Variants in C2CD3 observed in about 807,000 individuals in gnomAD.
C2CD3 encodes the protein C2 domain containing 3 centriole elongation regulator.
A neutral mutation model predicts 234.0 loss-of-function variants in C2CD3; 148 were observed. The observed-to-expected ratio is 0.63, with a 90% CI of 0.55 to 0.72. The LOEUF (loss-of-function observed/expected upper bound fraction) is 0.72, where lower values mean the gene tolerates loss of function less well. Among genes scored for constraint, C2CD3 ranks in the 30% least tolerant of loss-of-function variants. The pLI is 0.00. For synonymous variants in C2CD3, 1,000 were observed against 1,035.4 expected (o/e 0.97, Z 0.66); for missense variants, 2,577 against 2,811.5 (o/e 0.92, Z 1.89).
chr11:74,089,401 A>T (rs907965486), intron 20 of C2CD3, among the ~76,000 whole-genome samples: 3 of 152,254 alleles, frequency 2.0e-5, no homozygotes, highest in Non-Finnish European at 2.9e-5. Context: ...CATCACCTTC[A>T]CTAACACTAA....
At position 74,049,261 on chromosome 11, in the gene C2CD3, G is replaced by A. The variant is rs141424940; in HGVS notation, c.5361+76C>T. The stretch of plus-strand genomic sequence containing the variant: ...TAACGTATTCTATAAGCCGGAGAGT[G>A]CCAAACATGAGTAAAGGATGTTCTT... On this transcript the variant is annotated intron_variant, in intron 27 of 32. Transcript: ENST00000334126. 1.5e-4 allele frequency: 189 copies of A among 1,243,508 alleles called. 1 individual carries two copies. In the African/African-American group the frequency reaches 2.6e-3, roughly 17 times the overall value. 77.0% of individuals were successfully genotyped at this position (1,243,508 alleles called of 1,614,324 possible).
chr11:74,032,222 T>C (rs897666357), intron 31 of C2CD3, among the ~76,000 whole-genome samples: 8 of 152,198 alleles, frequency 5.3e-5, no homozygotes, highest in African/African-American at 2.4e-5. Flanking sequence ...ACTATATGTC[T>C]ATAATCACAA....
At chr11:74,031,950 C>T (rs1465897762) in intron 31 of C2CD3, among the ~76,000 whole-genome samples, 1 of 152,224 alleles carries the variant, frequency 6.6e-6, no homozygotes, top group African/African-American at 2.4e-5. Flanking sequence ...CACTCTCCCA[C>T]CCCTAGGTTT....
intron 3 of C2CD3, among the ~76,000 whole-genome samples, chr11:74,141,627 T>G (rs1247742523): frequency 2.0e-5 from 3 of 152,140 alleles, no homozygotes; most frequent in Non-Finnish European, 4.4e-5. Flanking sequence ...CAAAACACAG[T>G]GGCCTAACTC....
chr11:74,058,680 A>C (rs1258199780), intron 24 of C2CD3, among the ~76,000 whole-genome samples: 1 of 152,028 alleles, frequency 6.6e-6, no homozygotes, highest in East Asian at 1.9e-4. Flanking sequence ...ACCTAATGTT[A>C]ATTTTTACAA....
intron 7 of C2CD3, among the ~76,000 whole-genome samples, chr11:74,126,946 T>C (rs12574824): frequency 0.18 from 27,337 of 152,152 alleles, 2,647 homozygotes; most frequent in East Asian, 0.3. Flanking sequence ...TTTCTGTTTC[T>C]ATAGATTTGC....
Position 74,138,955 on chromosome 11 carries a change from A to G in C2CD3, c.720T>C (p.His240=), listed in dbSNP as rs1429853838. ...SRSTTPRGKD[H]VCFAENPDTI... ...TATCAGGGTTCTCTGCAAAGCATAC[A>G]TGGTCTTTTCCCCTGTTTTTTTAAA... The change falls in exon 5 of 33, where the codon CAT becomes CAC. Residue 240 remains histidine, a synonymous_variant. Transcript: ENST00000334126. 1.9e-6 allele frequency: 3 copies of G among 1,610,510 alleles called. No homozygotes were observed. Among genetic ancestry groups the G allele is most frequent in the Non-Finnish European group, 2.5e-6 (3 of 1,177,398 alleles).
chr11:74,042,135 T>C lies in C2CD3; in HGVS notation c.5579A>G (p.Gln1860Arg), dbSNP rs1377215368. ...IRRFHESLHL[Q>R]GEAPLPCDDK... ...ATCACATGGCAAGGGTGCCTCTCCC[T>C]GAAGATGCAGGGATTCATGAAACCG... The change falls in exon 29 of 33, where the codon CAG (glutamine) becomes CGG (arginine). Residue 1860 changes from glutamine (Q) to arginine (R), a missense_variant. Physicochemically the swap from Gln to Arg is conservative, Grantham distance 43. Coordinates refer to ENST00000334126, the MANE Select transcript of C2CD3 (RefSeq NM_001286577.2). 2 of 1,613,032 alleles carry C rather than the reference T, an allele frequency of 1.2e-6. No individual in the cohort carries two copies. Among genetic ancestry groups the C allele is most frequent in the South Asian group, 2.2e-5 (2 of 91,062 alleles).
chr11:74,028,197 G>C (rs1016823239), intron 32 of C2CD3, 90 bp downstream of exon 32: 1 of 911,840 alleles, frequency 1.1e-6, no homozygotes, highest in African/African-American at 1.7e-5. Flanking sequence ...TTTCCAGGAA[G>C]ATGACCTGGG....
chr11:74,054,769 TC>T (rs1163609478), intron 25 of C2CD3, 98 bp from the exon 26 acceptor site: 1 of 754,322 alleles, frequency 1.3e-6, no homozygotes, highest in Non-Finnish European at 2.2e-6. Context: ...CAAAGCACTT[TC>T]CCAACACTAT....
intron 7 of C2CD3, chr11:74,129,283 G>C (rs1957545461): frequency 5.6e-6 from 1 of 177,040 alleles, no homozygotes; most frequent in Non-Finnish European, 1.2e-5. Flanking sequence ...CTCAGACGGG[G>C]CGGCTGCTGG....
Position 74,064,381 on chromosome 11 carries a change from T to C in C2CD3, c.4952-6837A>G, listed in dbSNP as rs188913293. The stretch of plus-strand genomic sequence containing the variant: ...ACTTACAAGGGATGTGAAGGACCTC[T>C]TCAAGGAGAACTACAAACCATTGCT... On this transcript the variant is annotated intron_variant, in intron 24 of 32. Coordinates refer to ENST00000334126, the MANE Select transcript of C2CD3 (RefSeq NM_001286577.2). Among the ~76,000 whole-genome samples the C allele has an allele frequency of 6.2e-4, 95 of 152,272 alleles. 1 individual carries two copies. In the East Asian group the frequency reaches 0.018, roughly 28 times the overall value.
intron 32 of C2CD3, among the ~76,000 whole-genome samples, chr11:74,027,447 C>T (rs748829926): frequency 2.0e-4 from 30 of 152,122 alleles, no homozygotes; most frequent in South Asian, 8.3e-4. Context: ...ATAGTATATT[C>T]CTCATCAGAT....
At chr11:74,072,224 G>A (rs772295617) in intron 24 of C2CD3, among the ~76,000 whole-genome samples, 3 of 152,074 alleles carry the variant, frequency 2.0e-5, no homozygotes, top group Non-Finnish European at 4.4e-5. Flanking sequence ...TCCTGATATA[G>A]AATGTTTCAA....
chr11:74,067,522 G>A (rs1954597824), intron 24 of C2CD3, among the ~76,000 whole-genome samples: 1 of 145,542 alleles, frequency 6.9e-6, no homozygotes, highest in Non-Finnish European at 1.5e-5. Context: ...GTCAAGGGAA[G>A]CAGTAGGAGT....
chr11:74,037,404 G>C lies in C2CD3; in HGVS notation c.5881+74C>G, dbSNP rs1236880556. On this transcript the variant is annotated intron_variant, in intron 30 of 32. Coordinates refer to ENST00000334126, the MANE Select transcript of C2CD3 (RefSeq NM_001286577.2). ...ATTTGTCATAGGGGCTTGTCCGAAG[G>C]AACACATTCAAATGCTTTTTGAATT... 27 of 1,156,790 alleles carry C rather than the reference G, an allele frequency of 2.3e-5. No homozygotes were observed. The East Asian group carries it at 6.1e-4, about 26-fold the overall frequency. The allele number at this position is 1,156,790 out of a possible 1,614,324, so 71.7% of individuals were successfully genotyped here.
chr11:74,103,943 G>T (rs1956418463), intron 13 of C2CD3, among the ~76,000 whole-genome samples: 1 of 152,104 alleles, frequency 6.6e-6, no homozygotes, highest in Admixed American at 6.6e-5. Flanking sequence ...GCTAAATCTA[G>T]GACAACTTAA....
Position 74,159,941 on chromosome 11 carries a change from A to G in C2CD3, c.483+1458T>C, listed in dbSNP as rs767751819. Among the ~76,000 whole-genome samples, 14 of 152,268 alleles carry G rather than the reference A, an allele frequency of 9.2e-5. No individual in the cohort carries two copies. In the South Asian group the frequency reaches 1.7e-3, roughly 18 times the overall value. On this transcript the variant is annotated intron_variant, in intron 3 of 32. Coordinates refer to ENST00000334126, the MANE Select transcript of C2CD3 (RefSeq NM_001286577.2). ...CTTTTATACTGTTATTTTATCTTCT[A>G]TACTGATATCTTTTAACTTTTATAC...
chr11:74,101,841 A>G (rs1382395074), intron 14 of C2CD3, among the ~76,000 whole-genome samples: 2 of 152,122 alleles, frequency 1.3e-5, no homozygotes, highest in Non-Finnish European at 2.9e-5. Flanking sequence ...GGAGAAGTAC[A>G]TACAGTCAGT....
Sources: allele counts gnomAD v4.1 joint callset (sites outside exome capture counted in the v4.1 genomes callset), GRCh38; gene constraint gnomAD v4.1.1; transcripts MANE v1.5; gene names NCBI Gene and HGNC (gene_info 2026-07-23, HGNC 2026-07-21).